BAALC: variants seen among roughly 807,000 people sequenced by gnomAD.
BAALC encodes the protein BAALC binder of MAP3K1 and KLF4.
Under a neutral mutation model 15.5 loss-of-function variants are expected in BAALC, and 9 were observed. That is an observed-to-expected ratio of 0.58 (90% CI 0.35 to 1.02). The LOEUF is 1.02. BAALC is among the 50% of genes least tolerant of loss of function. The pLI is 0.02. For synonymous variants in BAALC, 80 were observed against 74.6 expected (o/e 1.07, Z -0.37); for missense variants, 201 against 192.4 (o/e 1.04, Z -0.27).
intron 1 of BAALC, among the ~76,000 whole-genome samples, chr8:103,194,257 G>A (rs1432919462): frequency 2.0e-5 from 3 of 152,164 alleles, no homozygotes; most frequent in South Asian, 4.2e-4. Flanking sequence ...GCTAATTACC[G>A]GGATTCCTTA....
chr8:103,205,372 G>A (rs1812304781), intron 1 of BAALC, among the ~76,000 whole-genome samples: 1 of 152,128 alleles, frequency 6.6e-6, no homozygotes, highest in Non-Finnish European at 1.5e-5. Flanking sequence ...CTTGTTTCCT[G>A]CATGGAATGA....
At chr8:103,218,553 C>G (rs78203023) in intron 2 of BAALC, among the ~76,000 whole-genome samples, 2,583 of 152,124 alleles carry the variant, frequency 0.017, 35 homozygotes, top group Non-Finnish European at 0.023. Context: ...GCTTAGGACT[C>G]TTATTCCCCC....
At chr8:103,220,648 G>T (rs1190808318) in intron 2 of BAALC, among the ~76,000 whole-genome samples, 1 of 152,190 alleles carries the variant, frequency 6.6e-6, no homozygotes, top group East Asian at 1.9e-4. Context: ...TGTGGTTAAA[G>T]GCCAGGAAGG....
At chr8:103,190,575 A>G (rs1342195189) in intron 1 of BAALC, among the ~76,000 whole-genome samples, 3 of 152,222 alleles carry the variant, frequency 2.0e-5, no homozygotes, top group Non-Finnish European at 4.4e-5. Flanking sequence ...TGGAATATGA[A>G]TGGGACTTTC....
At chr8:103,180,499 C>T (rs1483190820) in intron 1 of BAALC, among the ~76,000 whole-genome samples, 2 of 152,188 alleles carry the variant, frequency 1.3e-5, no homozygotes, top group East Asian at 1.9e-4. Context: ...AGATATTTTA[C>T]ATCCAAAGCA....
intron 1 of BAALC, among the ~76,000 whole-genome samples, chr8:103,185,118 T>C (rs1278158279): frequency 6.6e-6 from 1 of 151,940 alleles, no homozygotes; most frequent in Non-Finnish European, 1.5e-5. Flanking sequence ...TTCTGCTTGA[T>C]TTGGTATCTT....
intron 1 of BAALC, among the ~76,000 whole-genome samples, chr8:103,209,240 C>T (rs1430765273): frequency 6.6e-6 from 1 of 152,052 alleles, no homozygotes; most frequent in Non-Finnish European, 1.5e-5. Context: ...GGTGTGGTAG[C>T]GCATGCCTGT....
At chr8:103,166,334 GAGA>G (rs1811345938) in intron 1 of BAALC, 1 of 152,642 alleles carries the variant, frequency 6.6e-6, no homozygotes, top group East Asian at 1.9e-4. Context: ...GACAGATAAA[GAGA>G]AGGAGAAGCT....
At chr8:103,193,201 A>AC (rs1812011990) in intron 1 of BAALC, among the ~76,000 whole-genome samples, 1 of 152,214 alleles carries the variant, frequency 6.6e-6, no homozygotes, top group African/African-American at 2.4e-5. Context: ...CACAGGCGTC[A>AC]CTTATCAGGC....
intron 1 of BAALC, among the ~76,000 whole-genome samples, chr8:103,151,505 C>G (rs945047862): frequency 6.6e-6 from 1 of 152,184 alleles, no homozygotes; most frequent in Admixed American, 6.5e-5. Context: ...CACATCCTCA[C>G]GCTTGCACCA....
intron 2 of BAALC, among the ~76,000 whole-genome samples, chr8:103,221,333 G>A (rs72673342): frequency 0.065 from 9,823 of 152,156 alleles, 369 homozygotes; most frequent in Middle Eastern, 0.2. Context: ...AGCCAGAGGT[G>A]GCCCATTAAC....
At chr8:103,200,213 A>G (rs1381990809) in intron 1 of BAALC, among the ~76,000 whole-genome samples, 1 of 152,194 alleles carries the variant, frequency 6.6e-6, no homozygotes, top group Admixed American at 6.5e-5. Flanking sequence ...GATGCTGGTG[A>G]GGTTGTGGAG....
intron 1 of BAALC, among the ~76,000 whole-genome samples, chr8:103,161,966 T>C (rs1395341182): frequency 1.3e-5 from 2 of 152,002 alleles, no homozygotes; most frequent in Non-Finnish European, 2.9e-5. Flanking sequence ...TTGTTTTTTG[T>C]TTTTGTTTTT....
At chr8:103,176,325 GT>G (rs1811605432) in intron 1 of BAALC, among the ~76,000 whole-genome samples, 1 of 152,132 alleles carries the variant, frequency 6.6e-6, no homozygotes, top group African/African-American at 2.4e-5. Flanking sequence ...GCTAGGCACT[GT>G]TCTAGTCATT....
chr8:103,141,182 A>G (rs1810767042), intron 1 of BAALC, 125 bp downstream of exon 1: 4 of 1,151,904 alleles, frequency 3.5e-6, no homozygotes, highest in Non-Finnish European at 4.6e-6. Flanking sequence ...GGGAGGAAGC[A>G]GAGGCAGGAC....
chr8:103,226,727 TTAGAAG>T (rs1228672430), intron 2 of BAALC, among the ~76,000 whole-genome samples: 1 of 152,246 alleles, frequency 6.6e-6, no homozygotes, highest in Non-Finnish European at 1.5e-5. Context: ...TTATCCTTAG[TTAGAAG>T]TAGATAGTCT....
At position 103,212,878 on chromosome 8, in the gene BAALC, T is replaced by C. The variant is rs368346172; in HGVS notation, c.161-41T>C. ...TTGGGATTGTTTGCAACATCTGCCATGTGCAAGCTTCTGGTTCCATCCTCT... is the reference window on the plus strand; with the variant it reads ...TTGGGATTGTTTGCAACATCTGCCACGTGCAAGCTTCTGGTTCCATCCTCT... On this transcript the variant is annotated intron_variant, in intron 1 of 2. Transcript: ENST00000309982. 2.5e-5 allele frequency: 39 copies of C among 1,564,038 alleles called. No homozygotes were observed. The African/African-American group carries it at 4.5e-4, about 18-fold the overall frequency.
intron 1 of BAALC, among the ~76,000 whole-genome samples, chr8:103,145,250 C>A (rs1329365753): frequency 6.6e-6 from 1 of 152,236 alleles, no homozygotes; most frequent in Non-Finnish European, 1.5e-5. Context: ...AGCAGTTCTC[C>A]TGTGAGACTC....
At chr8:103,221,218 G>A (rs1470138712) in intron 2 of BAALC, among the ~76,000 whole-genome samples, 1 of 152,202 alleles carries the variant, frequency 6.6e-6, no homozygotes, top group African/African-American at 2.4e-5. Context: ...TTTAATTAAA[G>A]AGGCAGTATC....
Sources: gnomAD v4.1 joint callset for allele counts (sites outside exome capture counted in the v4.1 genomes callset) on GRCh38, gnomAD v4.1.1 for gene constraint, MANE v1.5 for transcripts, NCBI Gene and HGNC (gene_info 2026-07-23, HGNC 2026-07-21) for gene names.